Variants in MROH1 observed in about 807,000 individuals in gnomAD.
The protein encoded by MROH1 is maestro heat-like repeat-containing protein family member 1.
A neutral mutation model predicts 116.5 loss-of-function variants in MROH1; 117 were observed. The observed-to-expected ratio is 1.00, with a 90% CI of 0.86 to 1.17. MROH1 has a LOEUF of 1.17. Among genes scored for constraint, MROH1 ranks in the 50% most tolerant of loss-of-function variants. The pLI is 0.00. For synonymous variants in MROH1, 921 were observed against 583.9 expected, an observed-to-expected ratio of 1.58 and a Z score of -8.32; for missense variants, 1,873 against 1,338.5, an observed-to-expected ratio of 1.40 and a Z score of -6.23.
rs1400570599 is a variant in MROH1 at position 144,250,563 on chromosome 8, A to G, written c.3428+197A>G. On this transcript the variant is annotated intron_variant, in intron 33 of 43. Coordinates refer to ENST00000326134, the MANE Select transcript of MROH1 (RefSeq NM_032450.3). Reference sequence around the variant, plus strand: ...GTACCCACGGGGACCTCTCCTCTCCAGGCGTTTTGGGATCCTCACTGGCTC... The same window carrying G: ...GTACCCACGGGGACCTCTCCTCTCCGGGCGTTTTGGGATCCTCACTGGCTC... 1.2e-5 allele frequency: 8 copies of G among 650,822 alleles called. No individual in the cohort carries two copies. The African/African-American group carries it at 1.4e-4, about 12-fold the overall frequency. The allele number at this position is 650,822 out of a possible 1,614,324, so 40.3% of individuals were successfully genotyped here. A position where few individuals can be genotyped will look rare whatever the true frequency, so the allele number is the denominator to read the frequency against.
At chr8:144,176,841 AAAG>A (rs1824099264) in intron 4 of MROH1, among the ~76,000 whole-genome samples, 1 of 151,896 alleles carries the variant, frequency 6.6e-6, no homozygotes, top group South Asian at 2.1e-4. Flanking sequence ...AAAAAAAAAA[AAAG>A]AAATGATTCT....
intron 4 of MROH1, among the ~76,000 whole-genome samples, chr8:144,175,824 G>A (rs1034177075): frequency 2.6e-5 from 4 of 152,246 alleles, no homozygotes; most frequent in African/African-American, 9.6e-5. Context: ...GCCGAGGCGG[G>A]CAGATCACGA....
At position 144,148,060 on chromosome 8, in the gene MROH1, T is replaced by TGGC. The variant is rs1209075655; in HGVS notation, c.-186_-184dup. 2 of 151,912 alleles carry TGGC rather than the reference T, an allele frequency of 1.3e-5. No homozygotes were observed. Among genetic ancestry groups the TGGC allele is most frequent in the Admixed American group, 6.6e-5 (1 of 15,262 alleles). 9.4% of individuals were successfully genotyped at this position (151,912 alleles called of 1,614,324 possible). Reference sequence around the variant, plus strand: ...CGGGAAGGCGGCGCCCCGGCCGAGGTGGCGGCGGCTCCTCAGGTAAACGGC... The same window carrying TGGC: ...CGGGAAGGCGGCGCCCCGGCCGAGGTGGCGGCGGCGGCTCCTCAGGTAAACGGC... On this transcript the variant is annotated 5_prime_UTR_variant, in exon 1 of 44. Coordinates refer to ENST00000326134, the MANE Select transcript of MROH1 (RefSeq NM_032450.3).
chr8:144,186,414 G>T (rs532548544), intron 7 of MROH1, among the ~76,000 whole-genome samples: 1 of 151,954 alleles, frequency 6.6e-6, no homozygotes, highest in Non-Finnish European at 1.5e-5. Flanking sequence ...GAGCCACTGC[G>T]CCCGGCCCCA....
At position 144,239,026 on chromosome 8, in the gene MROH1, C is replaced by T. The variant is rs1588424601; in HGVS notation, c.1447-9C>T. On this transcript the variant is annotated splice_polypyrimidine_tract_variant and intron_variant, in intron 15 of 43. Transcript: ENST00000326134. ...GGGCGGATGCAGACCAGGCCCTCTG[C>T]TCCCCTAGGTCCTCTGGCCATACCT... is the stretch of plus-strand genomic sequence containing the variant. The T allele has an allele frequency of 6.4e-6, 5 of 777,674 alleles. No homozygotes were observed. The East Asian group carries it at 9.7e-5, about 15-fold the overall frequency. 48.2% of individuals were successfully genotyped at this position (777,674 alleles called of 1,614,324 possible). A position where few individuals can be genotyped will look rare whatever the true frequency, so the allele number is the denominator to read the frequency against.
Position 144,242,718 on chromosome 8 carries a change from G to A in MROH1, c.2352+90G>A, listed in dbSNP as rs1054497114. On this transcript the variant is annotated intron_variant, in intron 24 of 43. Transcript: ENST00000326134. ...TGAGCTTCATAGGCAGAGGCCGGAG[G>A]GGGAGCTTGGAGCTTGCTGGGGCTT... is the stretch of plus-strand genomic sequence containing the variant. 3.7e-5 allele frequency: 27 copies of A among 724,098 alleles called. No homozygotes were observed. In the East Asian group the frequency reaches 5.0e-4, roughly 13 times the overall value. The allele number at this position is 724,098 out of a possible 1,614,324, so 44.9% of individuals were successfully genotyped here.
At chr8:144,249,692 C>A (rs1439911060) in intron 32 of MROH1, among the ~76,000 whole-genome samples, 2 of 121,458 alleles carry the variant, frequency 1.6e-5, no homozygotes, top group Non-Finnish European at 3.7e-5. Context: ...AGGACAGTCG[C>A]AAACTCACAG....
At chr8:144,256,229 T>TG (rs541866760) in intron 35 of MROH1, among the ~76,000 whole-genome samples, 194 of 151,860 alleles carry the variant, frequency 1.3e-3, no homozygotes, top group Non-Finnish European at 2.0e-3. Flanking sequence ...GCTGACACCC[T>TG]GGGCAGGCGT....
At chr8:144,248,077 G>T (rs1842203465) in intron 31 of MROH1, among the ~76,000 whole-genome samples, 1 of 152,248 alleles carries the variant, frequency 6.6e-6, no homozygotes, top group Admixed American at 6.5e-5. Context: ...CTACCCAAGA[G>T]CCACGTGGGG....
At chr8:144,236,729 C>G (rs1378296219) in intron 14 of MROH1, among the ~76,000 whole-genome samples, 1 of 150,696 alleles carries the variant, frequency 6.6e-6, no homozygotes, top group Admixed American at 6.6e-5. Flanking sequence ...GGTGACAGAG[C>G]GAGACTCCAT....
Position 144,200,498 on chromosome 8 carries a change from C to T in MROH1, c.1098C>T (p.Arg366=), listed in dbSNP as rs762687885. The change falls in exon 12 of 44, where the codon CGC becomes CGT. Residue 366 remains arginine (R), a synonymous_variant. Transcript: ENST00000326134. ...PRLDTSNERT[R]VGTLQVVRHV... ...TGGACACCAGCAATGAGAGGACCCG[C>T]GTGGGCACCCTGCAGGTGGTCAGAC... The T allele has an allele frequency of 1.4e-5, 22 of 1,551,808 alleles. No homozygotes were observed. In the Middle Eastern group the frequency reaches 7.0e-4, roughly 50 times the overall value.
chr8:144,242,161 C>G (rs1010365898), intron 22 of MROH1: 1 of 646,106 alleles, frequency 1.5e-6, no homozygotes, highest in Non-Finnish European at 2.8e-6. Flanking sequence ...CCATGCCTGG[C>G]TGGCTGCCTG....
At position 144,259,362 on chromosome 8, in the gene MROH1, C is replaced by T. The variant is rs967604226; in HGVS notation, c.4044+8C>T. On this transcript the variant is annotated splice_region_variant and intron_variant, in intron 37 of 43. Transcript: ENST00000326134. ...ACCGCCTTCCTGGCCGAGGTAGGCC[C>T]TTCCAGGGACGGATGCTGGGCACCA... 30 of 714,902 alleles carry T rather than the reference C, an allele frequency of 4.2e-5. No homozygotes were observed. In the African/African-American group the frequency reaches 4.4e-4, roughly 10 times the overall value. 44.3% of individuals were successfully genotyped at this position (714,902 alleles called of 1,614,324 possible).
At chr8:144,216,070 A>G (rs1835188733) in intron 12 of MROH1, among the ~76,000 whole-genome samples, 3 of 151,714 alleles carry the variant, frequency 2.0e-5, no homozygotes, top group Admixed American at 2.0e-4. Flanking sequence ...CTGTAATCAC[A>G]GCTACTTGGG....
rs1844430052 is a variant in MROH1 at position 144,258,887 on chromosome 8, A to C, written c.3902A>C (p.His1301Pro). 1.4e-5 allele frequency: 11 copies of C among 762,270 alleles called. No individual in the cohort carries two copies. The highest frequency in any genetic ancestry group is 2.4e-6 in the Non-Finnish European group (1 of 410,824). 47.2% of individuals were successfully genotyped at this position (762,270 alleles called of 1,614,324 possible). A position where few individuals can be genotyped will look rare whatever the true frequency, so the allele number is the denominator to read the frequency against. Residue 1301 changes from histidine (H) to proline (P), a missense_variant, in exon 36 of 44, where the codon CAT becomes CCT. By Grantham distance (77) the His-to-Pro change is moderately conservative (BLOSUM62 -2). Transcript: ENST00000326134. The stretch of plus-strand genomic sequence containing the variant: ...GAACTGCTCAGGACCTCGGCGGGGC[A>C]TGAGGAGGGGGCCACCAGGTTGGCC... ...GWELLRTSAG[H>P]EEGATRLARA...
chr8:144,220,465 G>A, intron 12 of MROH1, 135 bp from the exon 13 acceptor site: 1 of 651,644 alleles, frequency 1.5e-6, no homozygotes, highest in East Asian at 2.8e-5. Flanking sequence ...CTGAAGAAAA[G>A]TGGGTATGCT....
At chr8:144,190,198 T>G (rs1466519594) in intron 7 of MROH1, among the ~76,000 whole-genome samples, 2 of 152,114 alleles carry the variant, frequency 1.3e-5, no homozygotes, top group Non-Finnish European at 2.9e-5. Flanking sequence ...CATGTTGGAG[T>G]TACAGCCCAC....
chr8:144,190,939 T>C lies in MROH1; in HGVS notation c.714+4T>C. The C allele has an allele frequency of 1.2e-6, 2 of 1,612,598 alleles. No individual in the cohort carries two copies. The highest frequency in any genetic ancestry group is 8.5e-7 in the Non-Finnish European group (1 of 1,179,566). ...GCTGCAGAGTCGAGAAGCCAAGGTA[T>C]GCCCCGTGGCTGCATCAGTCCACGC... On this transcript the variant is annotated splice_donor_region_variant and intron_variant, in intron 8 of 43. Coordinates refer to ENST00000326134, the MANE Select transcript of MROH1 (RefSeq NM_032450.3).
At chr8:144,166,277 A>G (rs760688004) in intron 3 of MROH1, among the ~76,000 whole-genome samples, 4 of 152,136 alleles carry the variant, frequency 2.6e-5, no homozygotes, top group Admixed American at 6.5e-5. Context: ...GTTCCAACAT[A>G]TGGATTTTGG....
Sources: allele counts gnomAD v4.1 joint callset (sites outside exome capture counted in the v4.1 genomes callset), GRCh38; gene constraint gnomAD v4.1.1; transcripts MANE v1.5; gene names NCBI Gene and HGNC (gene_info 2026-07-23, HGNC 2026-07-21).